MAP3K12: variants seen among roughly 807,000 people sequenced by gnomAD.
MAP3K12 encodes MAPK-upstream kinase.
In MAP3K12, 14 loss-of-function variants were observed where a neutral mutation model predicts 87.5. The observed-to-expected ratio is 0.16, with a 90% CI of 0.11 to 0.25. The LOEUF is 0.25. Among genes scored for constraint, MAP3K12 ranks in the 10% least tolerant of loss-of-function variants. The pLI, the probability that MAP3K12 is intolerant of heterozygous loss-of-function variation, is 1.00. For missense variants in MAP3K12, 802 were observed against 1,140.4 expected, an observed-to-expected ratio of 0.70 and a Z score of 4.27; for synonymous variants, 469 against 452.5, an observed-to-expected ratio of 1.04 and a Z score of -0.46.
At chr12:53,499,497 T>G (rs1943630428), upstream of MAP3K12, 1 of 143,636 alleles carries the variant, frequency 7.0e-6, no homozygotes, top group African/African-American at 2.6e-5. Flanking sequence ...TGCTCCCGCC[T>G]CCTCCTCCTT....
At chr12:53,488,326 C>A (rs1342171711) in intron 1 of MAP3K12, among the ~76,000 whole-genome samples, 1 of 152,196 alleles carries the variant, frequency 6.6e-6, no homozygotes, top group African/African-American at 2.4e-5. Context: ...ACTTTCCAGG[C>A]AATGGAGATG....
chr12:53,480,431 C>T lies in MAP3K12; in HGVS notation c.*751G>A, dbSNP rs1320197995. ...GACACCTCAGATAAAGTCCGGAGCC[C>T]AAGGCTTTATCTTAACCATGTATGG... On this transcript the variant is annotated 3_prime_UTR_variant, in exon 14 of 14. Coordinates refer to ENST00000547488, the MANE Select transcript of MAP3K12 (RefSeq NM_001193511.2). 2.0e-5 allele frequency: 3 copies of T among 152,346 alleles called. No individual in the cohort carries two copies. Among genetic ancestry groups the T allele is most frequent in the African/African-American group, 7.3e-5 (3 of 41,316 alleles). 9.4% of individuals were successfully genotyped at this position (152,346 alleles called of 1,614,324 possible). A position where few individuals can be genotyped will look rare whatever the true frequency, so the allele number is the denominator to read the frequency against.
chr12:53,491,722 C>T (rs990101603), intron 1 of MAP3K12, among the ~76,000 whole-genome samples: 16 of 150,920 alleles, frequency 1.1e-4, no homozygotes, highest in African/African-American at 3.6e-4. Context: ...CGTGAGCCAC[C>T]GCGCCCGGCA....
intron 1 of MAP3K12, among the ~76,000 whole-genome samples, chr12:53,494,210 C>T (rs948788443): frequency 1.3e-5 from 2 of 152,176 alleles, no homozygotes; most frequent in Non-Finnish European, 2.9e-5. Flanking sequence ...GGGTAGCTGT[C>T]TCTCCGTTAT....
At chr12:53,496,856 G>A (rs1592724823) in intron 1 of MAP3K12, among the ~76,000 whole-genome samples, 1 of 152,196 alleles carries the variant, frequency 6.6e-6, no homozygotes, top group Non-Finnish European at 1.5e-5. Flanking sequence ...AGGTGGTAGA[G>A]GAGAGAACAC....
At chr12:53,484,149 A>AGG in intron 7 of MAP3K12, 108 bp downstream of exon 7, 4 of 1,363,524 alleles carry the variant, frequency 2.9e-6, no homozygotes, top group Non-Finnish European at 4.2e-6. Context: ...GCCCTCTAAG[A>AGG]GCCAATCTCT....
At chr12:53,487,475 C>A in intron 1 of MAP3K12, 47 bp from the exon 2 acceptor site, 10 of 1,522,290 alleles carry the variant, frequency 6.6e-6, no homozygotes, top group Non-Finnish European at 7.9e-6. Context: ...AGCCCCAGGA[C>A]TGCCTGCTCA....
Position 53,485,042 on chromosome 12 carries a change from C to G in MAP3K12, c.1139+14G>C. The G allele has an allele frequency of 6.2e-7, 1 of 1,614,086 alleles. No individual in the cohort carries two copies. The highest frequency in any genetic ancestry group is 8.5e-7 in the Non-Finnish European group (1 of 1,180,008). ...CTTCTCCAGGCCCAGTATCCCAGCCCAGACCATCCTTACCAGCACTGGCGA... is the reference window on the plus strand; with the variant it reads ...CTTCTCCAGGCCCAGTATCCCAGCCGAGACCATCCTTACCAGCACTGGCGA... On this transcript the variant is annotated intron_variant, in intron 6 of 13. Transcript: ENST00000547488.
chr12:53,495,476 G>T (rs1309060022), intron 1 of MAP3K12, among the ~76,000 whole-genome samples: 1 of 148,458 alleles, frequency 6.7e-6, no homozygotes, highest in African/African-American at 2.5e-5. Flanking sequence ...CAGGCGTAGT[G>T]GTGGGCGCAC....
chr12:53,489,170 A>T (rs1443282102), intron 1 of MAP3K12, among the ~76,000 whole-genome samples: 1 of 151,918 alleles, frequency 6.6e-6, no homozygotes, highest in Non-Finnish European at 1.5e-5. Flanking sequence ...ACAAACAAAC[A>T]AAAAACAACA....
At position 53,486,885 on chromosome 12, in the gene MAP3K12, C is replaced by A; in HGVS notation, c.445+62G>T. 6.3e-7 allele frequency: 1 copy of A among 1,591,754 alleles called. No individual in the cohort carries two copies. The highest frequency in any genetic ancestry group is 1.1e-5 in the South Asian group (1 of 87,304). ...GGACCATTGCGTGACTTTAGCGGAG[C>A]TGACCAACAGATCTCGGGCTCAGGG... On this transcript the variant is annotated intron_variant, in intron 2 of 13. Transcript: ENST00000547488. The surrounding 1 kb of genome is among the most constrained non-coding windows in gnomAD (Gnocchi z 4.9).
upstream of MAP3K12, chr12:53,501,346 G>C (rs992922068): frequency 1.3e-6 from 2 of 1,541,714 alleles, no homozygotes; most frequent in Non-Finnish European, 8.8e-7. Context: ...CTAGCTCGTC[G>C]GCTGTGTATT....
At chr12:53,485,522 T>C (rs1437233405) in intron 4 of MAP3K12, 47 bp from the exon 5 acceptor site, 1 of 1,572,630 alleles carries the variant, frequency 6.4e-7, no homozygotes, top group Admixed American at 1.8e-5. Context: ...TCCACACACC[T>C]CATCTAACTC....
intron 1 of MAP3K12, among the ~76,000 whole-genome samples, chr12:53,489,572 G>T (rs1290833687): frequency 1.3e-5 from 2 of 152,184 alleles, no homozygotes; most frequent in East Asian, 3.8e-4. Context: ...CCAAGAACAA[G>T]CATCCCTCTA....
In MAP3K12 at chr12:53,487,045, C is replaced by G; in HGVS notation, c.347G>C (p.Ser116Thr). Reference sequence around the variant, plus strand: ...GAGGCCCTCAAGGAAGCCACTGCCACTCTGGCACTGCAGTCGCACCTCGTC... The same window carrying G: ...GAGGCCCTCAAGGAAGCCACTGCCAGTCTGGCACTGCAGTCGCACCTCGTC... ...RADEVRLQCQ[S>T]GSGFLEGLFG... The change falls in exon 2 of 14, where the codon AGT (serine) becomes ACT (threonine). Residue 116 changes from serine (S) to threonine (T), a missense_variant. Ser to Thr is a moderately conservative substitution (Grantham distance 58, BLOSUM62 1). Transcript: ENST00000547488. 1 of 1,614,154 alleles carries G rather than the reference C, an allele frequency of 6.2e-7. No individual in the cohort carries two copies. Among genetic ancestry groups the G allele is most frequent in the African/African-American group, 1.3e-5 (1 of 75,050 alleles).
chr12:53,483,660 C>G lies in MAP3K12; in HGVS notation c.1422G>C (p.Met474Ile). 1.2e-6 allele frequency: 2 copies of G among 1,614,020 alleles called. No homozygotes were observed. The highest frequency in any genetic ancestry group is 4.5e-5 in the East Asian group (2 of 44,876). ...GCTGCAACATGAGGGCATTAAGTTCCATATACAGGTTGTTGGCTCTCTCCA... is the reference window on the plus strand; with the variant it reads ...GCTGCAACATGAGGGCATTAAGTTCGATATACAGGTTGTTGGCTCTCTCCA... ...RKLERANNLY[M>I]ELNALMLQLE... is the part of the protein sequence containing the mutation. Residue 474 changes from methionine (M) to isoleucine (I), a missense_variant, in exon 9 of 14, where the codon ATG becomes ATC. By Grantham distance (10) the Met-to-Ile change is conservative. Coordinates refer to ENST00000547488, the MANE Select transcript of MAP3K12 (RefSeq NM_001193511.2).
At chr12:53,487,515 G>T (rs1236815469) in intron 1 of MAP3K12, 87 bp from the exon 2 acceptor site, 8 of 1,358,350 alleles carry the variant, frequency 5.9e-6, no homozygotes, top group Admixed American at 2.6e-5. Flanking sequence ...ACAGACTGGG[G>T]TGCTGGGTTC....
At chr12:53,488,569 A>G (rs142897486) in intron 1 of MAP3K12, among the ~76,000 whole-genome samples, 5,863 of 151,016 alleles carry the variant, frequency 0.039, 401 homozygotes, top group African/African-American at 0.14. Context: ...GCTGAGGCAG[A>G]AGAATTGCTT....
chr12:53,481,318 G>T, intron 13 of MAP3K12, 38 bp from the exon 14 acceptor site: 1 of 1,256,422 alleles, frequency 8.0e-7, no homozygotes, highest in Non-Finnish European at 1.1e-6. Flanking sequence ...GATTCCTTGG[G>T]GTTCTTTGCT....
Sources: gnomAD v4.1 joint callset for allele counts (sites outside exome capture counted in the v4.1 genomes callset) on GRCh38, gnomAD v4.1.1 for gene constraint, Gnocchi (gnomAD v3.1) non-coding constraint, MANE v1.5 for transcripts, NCBI Gene and HGNC (gene_info 2026-07-23, HGNC 2026-07-21) for gene names.